DAB1: variants seen among roughly 807,000 people sequenced by gnomAD.
The protein encoded by DAB1 is DAB adaptor protein 1, also known as disabled homolog 1.
DAB1 carries 15 observed loss-of-function variants against 64.6 expected under a neutral mutation model. The observed-to-expected ratio is 0.23, with a 90% CI of 0.16 to 0.36. The LOEUF (loss-of-function observed/expected upper bound fraction) is 0.36, where lower values mean the gene tolerates loss of function less well. Ranked by LOEUF, DAB1 falls within the 10% of genes least tolerant of loss-of-function variation. The pLI is 1.00. For missense variants in DAB1, 596 were observed against 706.7 expected, an observed-to-expected ratio of 0.84 and a Z score of 1.78; for synonymous variants, 235 against 251.9, an observed-to-expected ratio of 0.93 and a Z score of 0.64.
chr1:57,311,177 G>A (rs183103995), intron 1 of DAB1, among the ~76,000 whole-genome samples: 2 of 152,174 alleles, frequency 1.3e-5, no homozygotes, highest in East Asian at 1.9e-4. Flanking sequence ...AGGGCAACAC[G>A]GCCTTATAAT....
intron 5 of DAB1, among the ~76,000 whole-genome samples, chr1:58,130,818 G>T (rs977455671): frequency 6.6e-6 from 1 of 152,086 alleles, no homozygotes; most frequent in Non-Finnish European, 1.5e-5. Context: ...GGTTTCTGCC[G>T]AGAGATCCGC....
intron 3 of DAB1, among the ~76,000 whole-genome samples, chr1:58,504,329 G>A (rs1172279649): frequency 1.3e-5 from 2 of 152,102 alleles, no homozygotes; most frequent in Non-Finnish European, 2.9e-5. Context: ...AACATACGCT[G>A]ACTTTAGGTT....
intron 5 of DAB1, among the ~76,000 whole-genome samples, chr1:58,052,335 G>A (rs927805581): frequency 7.2e-5 from 11 of 152,132 alleles, no homozygotes; most frequent in Non-Finnish European, 1.6e-4. Flanking sequence ...TGTCAGGTTT[G>A]TCAAAGATCA....
At chr1:58,166,910 C>T (rs896345753) in intron 4 of DAB1, among the ~76,000 whole-genome samples, 2 of 151,478 alleles carry the variant, frequency 1.3e-5, no homozygotes, top group East Asian at 3.9e-4. Flanking sequence ...CATGGGCTGG[C>T]TAATTTTTGT....
At chr1:57,025,472 G>A (rs1186689390) in intron 10 of DAB1, among the ~76,000 whole-genome samples, 3 of 152,180 alleles carry the variant, frequency 2.0e-5, no homozygotes, top group African/African-American at 4.8e-5. Context: ...AAAGGAGGGA[G>A]AGAGGAAAGA....
chr1:58,373,379 G>A (rs1218973222), intron 3 of DAB1, among the ~76,000 whole-genome samples: 1 of 138,406 alleles, frequency 7.2e-6, no homozygotes, highest in East Asian at 2.1e-4. Context: ...GTGTCCATGT[G>A]ATCTCATTGT....
intron 3 of DAB1, among the ~76,000 whole-genome samples, chr1:58,422,716 T>C (rs1644784044): frequency 6.6e-6 from 1 of 151,062 alleles, no homozygotes; most frequent in Non-Finnish European, 1.5e-5. Flanking sequence ...ATTGTACCTA[T>C]CACAACCCAC....
chr1:58,287,395 C>T (rs1661710370), intron 4 of DAB1, among the ~76,000 whole-genome samples: 1 of 152,142 alleles, frequency 6.6e-6, no homozygotes, highest in Non-Finnish European at 1.5e-5. Context: ...ATTAACTGGG[C>T]TCAGCTGGGT....
At chr1:58,261,680 C>G (rs1422845575) in intron 4 of DAB1, among the ~76,000 whole-genome samples, 2 of 151,940 alleles carry the variant, frequency 1.3e-5, no homozygotes, top group African/African-American at 2.4e-5. Context: ...AATAATAACC[C>G]AAAAGACAAG....
intron 4 of DAB1, among the ~76,000 whole-genome samples, chr1:58,194,679 A>G (rs1358675185): frequency 1.3e-5 from 2 of 152,204 alleles, no homozygotes; most frequent in African/African-American, 4.8e-5. Flanking sequence ...TGGCACTTTT[A>G]TAGGTTCTGT....
intron 4 of DAB1, among the ~76,000 whole-genome samples, chr1:58,281,943 CCGT>C (rs1466024381): frequency 2.6e-5 from 4 of 152,010 alleles, no homozygotes; most frequent in South Asian, 4.2e-4. Flanking sequence ...CATCACCACC[CCGT>C]CATCATCATT....
chr1:58,154,075 G>A (rs1225137749), intron 4 of DAB1, among the ~76,000 whole-genome samples: 2 of 151,690 alleles, frequency 1.3e-5, no homozygotes, highest in African/African-American at 4.8e-5. Flanking sequence ...ACTTATTTGT[G>A]TTTCCTCATG....
intron 5 of DAB1, among the ~76,000 whole-genome samples, chr1:57,893,293 A>G (rs748333474): frequency 1.3e-5 from 2 of 152,176 alleles, no homozygotes; most frequent in Non-Finnish European, 2.9e-5. Flanking sequence ...GTCATTTACT[A>G]ACAACCCAGT....
At chr1:57,193,751 A>C (rs1313505710) in intron 2 of DAB1, among the ~76,000 whole-genome samples, 1 of 152,172 alleles carries the variant, frequency 6.6e-6, no homozygotes, top group African/African-American at 2.4e-5. Flanking sequence ...ACTTTTAACT[A>C]ATTAGGTAAT....
chr1:57,436,943 G>A (rs999391437), intron 7 of DAB1, among the ~76,000 whole-genome samples: 4 of 150,536 alleles, frequency 2.7e-5, no homozygotes, highest in Non-Finnish European at 5.9e-5. Flanking sequence ...CAGGAGAATG[G>A]TGTGAACCTG....
chr1:58,331,066 G>A (rs1461841106), intron 4 of DAB1, among the ~76,000 whole-genome samples: 3 of 152,192 alleles, frequency 2.0e-5, no homozygotes, highest in Admixed American at 2.0e-4. Flanking sequence ...TTCTGGAAAG[G>A]ATTCCCTGTT....
intron 1 of DAB1, among the ~76,000 whole-genome samples, chr1:57,324,212 T>C (rs775237062): frequency 6.6e-6 from 1 of 152,224 alleles, no homozygotes; most frequent in Non-Finnish European, 1.5e-5. Flanking sequence ...GGTGAACCGT[T>C]AAGTGAACCA....
intron 6 of DAB1, among the ~76,000 whole-genome samples, chr1:57,780,637 A>G (rs995540408): frequency 1.3e-5 from 2 of 152,124 alleles, no homozygotes; most frequent in South Asian, 2.1e-4. Context: ...ATATTTTGAA[A>G]AGTAGGAAAA....
In DAB1 at chr1:57,136,555, A is replaced by G; in HGVS notation, c.294T>C (p.Asp98=). 1 of 1,498,944 alleles carries G rather than the reference A, an allele frequency of 6.7e-7. No homozygotes were observed. The highest frequency in any genetic ancestry group is 1.3e-5 in the South Asian group (1 of 75,204). 92.9% of individuals were successfully genotyped at this position (1,498,944 alleles called of 1,614,324 possible). A position where few individuals can be genotyped will look rare whatever the true frequency, so the allele number is the denominator to read the frequency against. ...TTGCTTTACTTACCCCTGTCTTCTC[A>G]TCAAAGATTTTGATTCCTCCAAAGG... ...TISFGGIKIF[D]EKTGALQHHH... The change falls in exon 4 of 15, where the codon GAT becomes GAC. Residue 98 remains aspartate (D), a synonymous_variant. Coordinates refer to ENST00000371236, the MANE Select transcript of DAB1 (RefSeq NM_001365792.1).
Sources: gnomAD v4.1 joint callset for allele counts (sites outside exome capture counted in the v4.1 genomes callset) on GRCh38, gnomAD v4.1.1 for gene constraint, MANE v1.5 for transcripts, NCBI Gene and HGNC (gene_info 2026-07-23, HGNC 2026-07-21) for gene names.